Variants in ADGB observed in about 807,000 individuals in gnomAD.
ADGB encodes calpain-7-like protein.
In ADGB, 172 loss-of-function variants were observed where a neutral mutation model predicts 210.5. The observed-to-expected ratio is 0.82, with a 90% CI of 0.72 to 0.93. The LOEUF (loss-of-function observed/expected upper bound fraction) is 0.93, where lower values mean the gene tolerates loss of function less well. Among genes scored for constraint, ADGB ranks in the 40% least tolerant of loss-of-function variants. ADGB has a pLI of 0.00. For missense variants in ADGB, 2,025 were observed against 1,964.8 expected (o/e 1.03, Z -0.58); for synonymous variants, 658 against 662.7 (o/e 0.99, Z 0.11).
At chr6:146,814,119 A>G (rs1337850414) in intron 35 of ADGB, among the ~76,000 whole-genome samples, 1 of 152,200 alleles carries the variant, frequency 6.6e-6, no homozygotes, top group Non-Finnish European at 1.5e-5. Flanking sequence ...CTACAGTACT[A>G]TCTTTTGTAA....
chr6:146,755,234 C>T (rs1217212079), intron 27 of ADGB, among the ~76,000 whole-genome samples: 3 of 152,044 alleles, frequency 2.0e-5, no homozygotes, highest in Non-Finnish European at 2.9e-5. Flanking sequence ...TTTCCATCCT[C>T]TACATGTTTT....
intron 31 of ADGB, among the ~76,000 whole-genome samples, chr6:146,785,341 A>C (rs539077611): frequency 2.3e-4 from 35 of 152,218 alleles, no homozygotes; most frequent in Admixed American, 2.2e-3. Context: ...AGATTCAGGA[A>C]CCACTGCATC....
At chr6:146,648,740 A>G (rs1046349882) in intron 3 of ADGB, among the ~76,000 whole-genome samples, 4 of 152,016 alleles carry the variant, frequency 2.6e-5, no homozygotes, top group Non-Finnish European at 4.4e-5. Flanking sequence ...CATATAAGCC[A>G]CCTTTTTAAA....
chr6:146,812,369 A>G lies in ADGB; in HGVS notation c.4819-2663A>G, dbSNP rs534956467. Among the ~76,000 whole-genome samples, 7 of 152,396 alleles carry G rather than the reference A, an allele frequency of 4.6e-5. No individual in the cohort carries two copies. The East Asian group carries it at 7.7e-4, about 17-fold the overall frequency. On this transcript the variant is annotated intron_variant, in intron 35 of 35. Transcript: ENST00000397944. ...TGAGGGGGTGCCCAAAAAAAAATAC[A>G]TAAAACACGAGTCACAGAAACATCT...
At chr6:146,733,447 T>A (rs1002567948) in intron 21 of ADGB, among the ~76,000 whole-genome samples, 192 bp downstream of exon 21, 1 of 152,136 alleles carries the variant, frequency 6.6e-6, no homozygotes, top group Admixed American at 6.5e-5. Flanking sequence ...CCACCACATA[T>A]ACTTCTAGGG....
At chr6:146,685,625 C>A in intron 9 of ADGB, 109 bp from the exon 10 acceptor site, 1 of 510,270 alleles carries the variant, frequency 2.0e-6, no homozygotes, top group Non-Finnish European at 3.3e-6. Flanking sequence ...ATGTATTTTT[C>A]ACCAGCCCGA....
rs1243250426 is a variant in ADGB at position 146,676,332 on chromosome 6, C to T, written c.1107C>T (p.Asp369=). 1.9e-6 allele frequency: 3 copies of T among 1,547,816 alleles called. No homozygotes were observed. The highest frequency in any genetic ancestry group is 1.2e-5 in the South Asian group (1 of 83,414). The change falls in exon 9 of 36, where the codon GAC becomes GAT. Residue 369 remains aspartate (D), a synonymous_variant. Transcript: ENST00000397944. ...TGTTAGAGAAAGCAGATGCAAGAGACATTGGAAAGAAGAGAAGCAAAGATG... is the reference window on the plus strand; with the variant it reads ...TGTTAGAGAAAGCAGATGCAAGAGATATTGGAAAGAAGAGAAGCAAAGATG... ...KVPKEKADAR[D]IGKKRSKDGE... is the part of the protein sequence containing the mutation.
At chr6:146,666,144 A>T (rs1465667944) in intron 6 of ADGB, among the ~76,000 whole-genome samples, 2 of 152,082 alleles carry the variant, frequency 1.3e-5, no homozygotes, top group Non-Finnish European at 2.9e-5. Context: ...ACTACCACTG[A>T]CGGATAGTCA....
chr6:146,693,546 G>A (rs572224813), intron 12 of ADGB, among the ~76,000 whole-genome samples: 4 of 152,122 alleles, frequency 2.6e-5, no homozygotes, highest in Admixed American at 6.5e-5. Flanking sequence ...ACGGCAGCCC[G>A]AGCAAACAAA....
At chr6:146,801,700 C>A in intron 34 of ADGB, 128 bp from the exon 35 acceptor site, 1 of 714,234 alleles carries the variant, frequency 1.4e-6, no homozygotes. Context: ...TTTTTTCTAT[C>A]CCTAATGTTT....
intron 1 of ADGB, among the ~76,000 whole-genome samples, chr6:146,607,914 A>G (rs555200216): frequency 6.6e-6 from 1 of 152,274 alleles, no homozygotes; most frequent in Non-Finnish European, 1.5e-5. Flanking sequence ...TGCTGGCCTC[A>G]TAGAATGAGA....
intron 29 of ADGB, among the ~76,000 whole-genome samples, chr6:146,771,913 A>G (rs1194470387): frequency 6.6e-6 from 1 of 152,218 alleles, no homozygotes; most frequent in Non-Finnish European, 1.5e-5. Flanking sequence ...TCAGAGAATG[A>G]CAGCCAGTTC....
chr6:146,675,755 G>T (rs1423173385), intron 8 of ADGB, among the ~76,000 whole-genome samples: 1 of 152,160 alleles, frequency 6.6e-6, no homozygotes, highest in Non-Finnish European at 1.5e-5. Flanking sequence ...ATATGAATGA[G>T]CATTCAAATG....
intron 35 of ADGB, among the ~76,000 whole-genome samples, chr6:146,814,761 CA>C (rs931727631): frequency 6.6e-6 from 1 of 152,036 alleles, no homozygotes; most frequent in Non-Finnish European, 1.5e-5. Flanking sequence ...ATCATTTAAA[CA>C]GAATACCTTT....
At chr6:146,613,910 T>C (rs928802081) in intron 1 of ADGB, among the ~76,000 whole-genome samples, 2 of 151,938 alleles carry the variant, frequency 1.3e-5, no homozygotes, top group African/African-American at 4.8e-5. Flanking sequence ...AATAAAATTA[T>C]AGACTAATTT....
chr6:146,680,425 G>C (rs1436618570), intron 9 of ADGB, among the ~76,000 whole-genome samples: 1 of 152,130 alleles, frequency 6.6e-6, no homozygotes, highest in Non-Finnish European at 1.5e-5. Flanking sequence ...TCATTTTTTA[G>C]TGTGTTCCTT....
chr6:146,609,300 C>G (rs1249876456), intron 1 of ADGB, among the ~76,000 whole-genome samples: 3 of 152,102 alleles, frequency 2.0e-5, no homozygotes, highest in Non-Finnish European at 2.9e-5. Flanking sequence ...TAGCATGAGA[C>G]TATCTTGAGT....
At chr6:146,705,957 C>T (rs939607768) in intron 13 of ADGB, among the ~76,000 whole-genome samples, 4 of 151,966 alleles carry the variant, frequency 2.6e-5, no homozygotes, top group African/African-American at 9.6e-5. Flanking sequence ...AGGGTCTTTC[C>T]CTGTTGCCAA....
At chr6:146,625,076 C>A (rs960021225) in intron 1 of ADGB, among the ~76,000 whole-genome samples, 4 of 151,944 alleles carry the variant, frequency 2.6e-5, no homozygotes, top group African/African-American at 9.7e-5. Context: ...TTAATTAGGT[C>A]AATTTTGATG....
Sources: allele counts gnomAD v4.1 joint callset (sites outside exome capture counted in the v4.1 genomes callset), GRCh38; gene constraint gnomAD v4.1.1; transcripts MANE v1.5; gene names NCBI Gene and HGNC (gene_info 2026-07-23, HGNC 2026-07-21).